Variants in ITSN1 observed in about 807,000 individuals in gnomAD.
The protein encoded by ITSN1 is intersectin 1.
ITSN1 carries 58 observed loss-of-function variants against 239.8 expected under a neutral mutation model. The ratio of observed to expected loss-of-function variants is 0.24; its 90% CI spans 0.20 to 0.30. The LOEUF (loss-of-function observed/expected upper bound fraction) is 0.30. Ranked by LOEUF, ITSN1 falls within the 10% of genes least tolerant of loss-of-function variation. The pLI is 1.00. For synonymous variants in ITSN1, 780 were observed against 770.8 expected (o/e 1.01, Z -0.20); for missense variants, 1,558 against 2,103.3 (o/e 0.74, Z 5.07).
rs180825877 is a variant in ITSN1, at chr21:33,888,315, G to T, written c.*15G>T. ...ATGAGCCGTAGGCAGCGGGCTCAGG[G>T]TGTGCTCAGCAGGGTCCCAGCCCAC... On this transcript the variant is annotated 3_prime_UTR_variant, in exon 40 of 40. Coordinates refer to ENST00000381318, the MANE Select transcript of ITSN1 (RefSeq NM_003024.3). The T allele has an allele frequency of 1.4e-4, 225 of 1,607,046 alleles. 1 individual carries two copies. The highest frequency in any genetic ancestry group is 1.8e-4 in the Non-Finnish European group (217 of 1,176,248).
chr21:33,805,932 G>A (rs8133997), intron 20 of ITSN1, among the ~76,000 whole-genome samples: 3,792 of 148,268 alleles, frequency 0.026, 117 homozygotes, highest in African/African-American at 0.074. Flanking sequence ...GGCCGGGCGC[G>A]GTGGCTCACG....
intron 4 of ITSN1, among the ~76,000 whole-genome samples, chr21:33,723,694 G>A (rs944498674): frequency 1.3e-5 from 2 of 152,140 alleles, no homozygotes; most frequent in Non-Finnish European, 2.9e-5. Flanking sequence ...TCTCTGATTT[G>A]GAGATACAGT....
intron 11 of ITSN1, among the ~76,000 whole-genome samples, chr21:33,768,645 G>A (rs957330661): frequency 1.8e-4 from 28 of 152,156 alleles, no homozygotes; most frequent in Admixed American, 6.5e-4. Context: ...ATATTCTAAG[G>A]TGGCTATGAA....
intron 29 of ITSN1, chr21:33,837,243 T>C: frequency 8.1e-7 from 1 of 1,229,850 alleles, no homozygotes; most frequent in Non-Finnish European, 1.0e-6. Flanking sequence ...CACAGGGTAG[T>C]GGGTCCTTTT....
At chr21:33,709,552 G>T (rs1478042955) in intron 1 of ITSN1, among the ~76,000 whole-genome samples, 1 of 152,160 alleles carries the variant, frequency 6.6e-6, no homozygotes, top group Non-Finnish European at 1.5e-5. Context: ...AAAGTGCTGA[G>T]GTTACAGGCG....
intron 29 of ITSN1, among the ~76,000 whole-genome samples, chr21:33,849,381 C>A (rs1332584186): frequency 1.3e-5 from 2 of 152,016 alleles, no homozygotes; most frequent in Non-Finnish European, 2.9e-5. Flanking sequence ...GCCTGGCCAA[C>A]ATGGTGAAAC....
chr21:33,642,723 G>C lies in ITSN1; in HGVS notation c.-33+10G>C, dbSNP rs1210076775. 6.5e-6 allele frequency: 1 copy of C among 153,122 alleles called. No individual in the cohort carries two copies. Among genetic ancestry groups the C allele is most frequent in the Non-Finnish European group, 1.5e-5 (1 of 68,710 alleles). The allele number at this position is 153,122 out of a possible 1,614,324, so 9.5% of individuals were successfully genotyped here. On this transcript the variant is annotated intron_variant, in intron 1 of 39. Coordinates refer to ENST00000381318, the MANE Select transcript of ITSN1 (RefSeq NM_003024.3). ...CCCGCCCGGAGATGAGGTGAGGAGA[G>C]GGCTGCAAGGCGGCGGCCTGGACCA...
At chr21:33,761,065 G>A (rs1422107011) in intron 8 of ITSN1, among the ~76,000 whole-genome samples, 1 of 151,230 alleles carries the variant, frequency 6.6e-6, no homozygotes, top group Admixed American at 6.6e-5. Flanking sequence ...GCTAACATAG[G>A]AAATGTGTTT....
At chr21:33,854,055 T>C (rs745947458) in intron 29 of ITSN1, among the ~76,000 whole-genome samples, 1 of 152,170 alleles carries the variant, frequency 6.6e-6, no homozygotes, top group Non-Finnish European at 1.5e-5. Context: ...TCAGTAAATA[T>C]TTGCCCAGTG....
rs923721086 is a variant in ITSN1, at chr21:33,756,287, C to CAAAA, written c.724+907_724+910dup. On this transcript the variant is annotated intron_variant, in intron 8 of 39. Coordinates refer to ENST00000381318, the MANE Select transcript of ITSN1 (RefSeq NM_003024.3). ...TGGGCTGCAGAGTGAGACTCCGTCTCAAAAAAAAAAAAAAAAAAAAGAAAG... is the reference window on the plus strand; with the variant it reads ...TGGGCTGCAGAGTGAGACTCCGTCTCAAAAAAAAAAAAAAAAAAAAAAAAGAAAG... Among the ~76,000 whole-genome samples the CAAAA allele has an allele frequency of 6.0e-3, 340 of 56,462 alleles. 3 individuals are homozygous for CAAAA. The highest frequency in any genetic ancestry group is 0.02 in the African/African-American group (317 of 16,226). 37.0% of individuals were successfully genotyped at this position (56,462 alleles called of 152,430 possible).
chr21:33,874,896 C>G (rs1297677500), intron 33 of ITSN1, among the ~76,000 whole-genome samples: 1 of 152,194 alleles, frequency 6.6e-6, no homozygotes, highest in Non-Finnish European at 1.5e-5. Context: ...ATCTGCCCAC[C>G]TTGGCCTCCC....
rs887309126 is a variant in ITSN1, at chr21:33,838,105, G to T, written c.3661+1473G>T. On this transcript the variant is annotated intron_variant, in intron 29 of 39. Transcript: ENST00000381318. The stretch of plus-strand genomic sequence containing the variant: ...ATGAAATGGAGCTCATGGTCCGTTT[G>T]TGTGTTAGATATGCTGTAGCTGAAG... 3.0e-6 allele frequency: 3 copies of T among 985,578 alleles called. 1 individual carries two copies. Among genetic ancestry groups the T allele is most frequent in the Non-Finnish European group, 3.6e-6 (3 of 829,948 alleles). The allele number at this position is 985,578 out of a possible 1,614,324, so 61.1% of individuals were successfully genotyped here. A position where few individuals can be genotyped will look rare whatever the true frequency, so the allele number is the denominator to read the frequency against.
intron 8 of ITSN1, among the ~76,000 whole-genome samples, chr21:33,758,952 A>G (rs1247683833): frequency 6.6e-6 from 1 of 152,224 alleles, no homozygotes; most frequent in African/African-American, 2.4e-5. Flanking sequence ...ATGTGCTAAG[A>G]TGCTATCTTA....
chr21:33,898,464 G>C lies in ITSN1; in HGVS notation c.*10164G>C, dbSNP rs1986909812. ...GGATCAGAAGTCCAGGCTGCTTCTG[G>C]GGCACAGACTTTCTGTACTTGGCCA... On this transcript the variant is annotated 3_prime_UTR_variant, in exon 40 of 40. Coordinates refer to ENST00000381318, the MANE Select transcript of ITSN1 (RefSeq NM_003024.3). 6.6e-6 allele frequency: 1 copy of C among 152,188 alleles called. No homozygotes were observed. The highest frequency in any genetic ancestry group is 2.4e-5 in the African/African-American group (1 of 41,432). 9.4% of individuals were successfully genotyped at this position (152,188 alleles called of 1,614,324 possible).
At position 33,886,342 on chromosome 21, in the gene ITSN1, G is replaced by A; in HGVS notation, c.4899G>A (p.Lys1633=). 6.2e-7 allele frequency: 1 copy of A among 1,614,024 alleles called. No individual in the cohort carries two copies. Among genetic ancestry groups the A allele is most frequent in the South Asian group, 1.1e-5 (1 of 91,066 alleles). Residue 1633 remains lysine (K), a synonymous_variant, in exon 39 of 40, where the codon AAG becomes AAA. Coordinates refer to ENST00000381318, the MANE Select transcript of ITSN1 (RefSeq NM_003024.3). The part of the protein sequence containing the change: ...VTMGSQCHIT[K]TIQDTLNPKW... ...TGGGTTCCCAGTGCCACATCACCAAGACGATCCAGGACACTCTGAACCCCA... is the reference window on the plus strand; with the variant it reads ...TGGGTTCCCAGTGCCACATCACCAAAACGATCCAGGACACTCTGAACCCCA...
At chr21:33,793,912 A>G (rs1291197367) in intron 16 of ITSN1, among the ~76,000 whole-genome samples, 1 of 152,222 alleles carries the variant, frequency 6.6e-6, no homozygotes, top group African/African-American at 2.4e-5. Context: ...GAATGGAGGT[A>G]GTCAGTGAAG....
chr21:33,878,008 TTGTGTGTG>T lies in ITSN1; in HGVS notation c.4341+2519_4341+2526del, dbSNP rs71194867. On this transcript the variant is annotated intron_variant, in intron 34 of 39. Coordinates refer to ENST00000381318, the MANE Select transcript of ITSN1 (RefSeq NM_003024.3). The stretch of plus-strand genomic sequence containing the variant: ...TCTCTCTTTCTCTTTCTCTCTCTCT[TTGTGTGTG>T]TGTGTGTGTGTGTGTGTGTGTGTGT... 7.7e-3 allele frequency among the ~76,000 whole-genome samples: 1,085 copies of T among 140,276 alleles called. 6 individuals carry two copies. The highest frequency in any genetic ancestry group is 0.016 in the African/African-American group (588 of 37,098). 92.0% of individuals were successfully genotyped at this position (140,276 alleles called of 152,430 possible).
Position 33,818,157 on chromosome 21 carries a change from G to A in ITSN1, c.2728-110G>A, listed in dbSNP as rs879215598. The A allele has an allele frequency of 1.1e-5, 9 of 809,710 alleles. No homozygotes were observed. In the Admixed American group the frequency reaches 1.4e-4, roughly 13 times the overall value. The allele number at this position is 809,710 out of a possible 1,614,324, so 50.2% of individuals were successfully genotyped here. On this transcript the variant is annotated intron_variant, in intron 22 of 39. Transcript: ENST00000381318. ...TGCTGCCTCAGGGCCCTTTGTGGCT[G>A]TGTGTGCTTGTCTGGCCTGTGCTTG... is the stretch of plus-strand genomic sequence containing the variant.
intron 33 of ITSN1, among the ~76,000 whole-genome samples, chr21:33,872,261 A>G (rs188355961): frequency 6.6e-6 from 1 of 152,338 alleles, no homozygotes; most frequent in Admixed American, 6.5e-5. Flanking sequence ...ACCTCTAGGA[A>G]TTTATTCTAA....
Sources: gnomAD v4.1 joint callset for allele counts (sites outside exome capture counted in the v4.1 genomes callset) on GRCh38, gnomAD v4.1.1 for gene constraint, MANE v1.5 for transcripts, NCBI Gene and HGNC (gene_info 2026-07-23, HGNC 2026-07-21) for gene names.